The following EXT1 variants were observed in gnomAD, a reference collection of about 807,000 sequenced individuals.
The protein encoded by EXT1 is exostosin-1.
A neutral mutation model predicts 82.5 loss-of-function variants in EXT1; 20 were observed. The observed-to-expected ratio is 0.24, with a 90% CI of 0.17 to 0.35. The LOEUF (loss-of-function observed/expected upper bound fraction) is 0.35. Among genes scored for constraint, EXT1 ranks in the 10% least tolerant of loss-of-function variants. The pLI is 1.00. For synonymous variants in EXT1, 348 were observed against 350.8 expected, an observed-to-expected ratio of 0.99 and a Z score of 0.09; for missense variants, 757 against 936.5, an observed-to-expected ratio of 0.81 and a Z score of 2.50.
chr8:117,845,275 C>A (rs1324866821), intron 1 of EXT1, among the ~76,000 whole-genome samples: 1 of 152,190 alleles, frequency 6.6e-6, no homozygotes, highest in Non-Finnish European at 1.5e-5. Flanking sequence ...CTGTCTTTCA[C>A]AGGGATGAGG....
intron 1 of EXT1, among the ~76,000 whole-genome samples, chr8:118,072,897 A>T (rs934453209): frequency 6.6e-6 from 1 of 152,232 alleles, no homozygotes; most frequent in African/African-American, 2.4e-5. Context: ...CGGGAACCCA[A>T]GGCAGGTAGG....
At chr8:117,848,597 T>C (rs896311638) in intron 1 of EXT1, among the ~76,000 whole-genome samples, 61 of 152,112 alleles carry the variant, frequency 4.0e-4, no homozygotes, top group African/African-American at 1.4e-3. Flanking sequence ...CAAAGGAGTA[T>C]TGAGCAGGCC....
intron 1 of EXT1, among the ~76,000 whole-genome samples, chr8:117,956,177 CA>C (rs11308914): frequency 0.56 from 79,798 of 141,774 alleles, 21,824 homozygotes; most frequent in Admixed American, 0.66. Context: ...TTTTTAACAG[CA>C]AAAAAAAAAA....
rs1016952129 is a variant in EXT1, at chr8:117,989,224, T to C, written c.962+120861A>G. On this transcript the variant is annotated intron_variant, in intron 1 of 10. Coordinates refer to ENST00000378204, the MANE Select transcript of EXT1 (RefSeq NM_000127.3). ...AGTCCCATTGGCTCTAGCTCTAAAA[T>C]ACAAAAGGAATTCCTCCCCCCACCC... 9.9e-5 allele frequency among the ~76,000 whole-genome samples: 15 copies of C among 151,866 alleles called. 1 individual carries two copies. Among genetic ancestry groups the C allele is most frequent in the Admixed American group, 9.2e-4 (14 of 15,232 alleles).
chr8:117,866,473 T>C (rs17503858), intron 1 of EXT1, among the ~76,000 whole-genome samples: 5,321 of 152,180 alleles, frequency 0.035, 325 homozygotes, highest in African/African-American at 0.12. Context: ...ACAGGTTGTT[T>C]ATAAAATGGA....
intron 1 of EXT1, among the ~76,000 whole-genome samples, chr8:117,876,619 T>C (rs1812976845): frequency 6.6e-6 from 1 of 152,154 alleles, no homozygotes; most frequent in Admixed American, 6.5e-5. Flanking sequence ...TAAATAACAA[T>C]AATAATGATA....
At chr8:118,000,068 G>A (rs1273503262) in intron 1 of EXT1, among the ~76,000 whole-genome samples, 43 of 151,836 alleles carry the variant, frequency 2.8e-4, no homozygotes, top group Admixed American at 2.8e-3. Flanking sequence ...CGCTCCTTTT[G>A]GATTCCTTAT....
intron 1 of EXT1, among the ~76,000 whole-genome samples, chr8:118,038,643 T>C (rs1001745279): frequency 6.6e-6 from 1 of 152,264 alleles, no homozygotes; most frequent in African/African-American, 2.4e-5. Context: ...ACCCTGTGTT[T>C]ATCTTGTCTC....
chr8:117,807,569 C>A (rs562783095), intron 8 of EXT1, among the ~76,000 whole-genome samples, 192 bp from the exon 9 acceptor site: 14 of 152,072 alleles, frequency 9.2e-5, no homozygotes, highest in Non-Finnish European at 1.9e-4. Flanking sequence ...TTAATGTTTT[C>A]TGTTAAAGAA....
At chr8:117,981,092 G>T (rs1310522739) in intron 1 of EXT1, among the ~76,000 whole-genome samples, 1 of 152,170 alleles carries the variant, frequency 6.6e-6, no homozygotes, top group Non-Finnish European at 1.5e-5. Context: ...TCAAGAAAGA[G>T]AACTTATTTA....
intron 1 of EXT1, among the ~76,000 whole-genome samples, chr8:117,892,406 T>C (rs1027127941): frequency 6.6e-6 from 1 of 152,248 alleles, no homozygotes; most frequent in Admixed American, 6.5e-5. Flanking sequence ...CTACTACTTC[T>C]ACTTCTACTA....
chr8:118,096,928 G>A (rs930063426), intron 1 of EXT1, among the ~76,000 whole-genome samples: 1 of 152,062 alleles, frequency 6.6e-6, no homozygotes, highest in Admixed American at 6.6e-5. Flanking sequence ...CATTCCCTTC[G>A]GTTAAATAAA....
chr8:118,106,693 C>T (rs1439696737), intron 1 of EXT1, among the ~76,000 whole-genome samples: 3 of 152,138 alleles, frequency 2.0e-5, no homozygotes, highest in African/African-American at 4.8e-5. Flanking sequence ...CACAATAATG[C>T]CCTTTGTAGG....
Position 117,807,305 on chromosome 8 carries a change from A to C in EXT1, c.1795T>G (p.Trp599Gly), listed in dbSNP as rs138006768. The change falls in exon 9 of 11, where the codon TGG becomes GGG. Residue 599 changes from tryptophan to glycine, a missense_variant. Transcript: ENST00000378204. Reference protein sequence around the residue: ...IVGYPARSHFWDNSKERWGYT... With the variant: ...IVGYPARSHFGDNSKERWGYT... ...CCCCACCGCTCCTTAGAGTTATCCC[A>C]GAAGTGGCTGCGCGCGGGGTACCCC... 3.7e-6 allele frequency: 6 copies of C among 1,614,106 alleles called. No individual in the cohort carries two copies. Among genetic ancestry groups the C allele is most frequent in the Non-Finnish European group, 5.1e-6 (6 of 1,180,046 alleles).
intron 1 of EXT1, among the ~76,000 whole-genome samples, chr8:117,965,689 G>A (rs1814793483): frequency 6.6e-6 from 1 of 152,184 alleles, no homozygotes. Context: ...TGTCAGCTAT[G>A]TAACAGGCTC....
intron 7 of EXT1, among the ~76,000 whole-genome samples, chr8:117,816,336 G>C (rs1389734609): frequency 2.0e-5 from 3 of 152,036 alleles, no homozygotes; most frequent in African/African-American, 7.2e-5. Context: ...TTGAACCCTT[G>C]GTGCATGTAT....
intron 10 of EXT1, among the ~76,000 whole-genome samples, chr8:117,802,222 C>T (rs1823177098): frequency 6.6e-6 from 1 of 152,092 alleles, no homozygotes; most frequent in Non-Finnish European, 1.5e-5. Flanking sequence ...TAGAATTAGG[C>T]TAATCTATGA....
chr8:117,832,265 C>T (rs1277555868), intron 3 of EXT1, among the ~76,000 whole-genome samples: 1 of 152,178 alleles, frequency 6.6e-6, no homozygotes, highest in South Asian at 2.1e-4. Flanking sequence ...GGTGGCTCAG[C>T]CTGTAATCCC....
intron 3 of EXT1, among the ~76,000 whole-genome samples, chr8:117,833,796 T>C (rs537350267): frequency 7.9e-5 from 12 of 152,206 alleles, no homozygotes; most frequent in Non-Finnish European, 1.2e-4. Flanking sequence ...TGATCATGTA[T>C]TATTTTTAAA....
Sources: allele counts gnomAD v4.1 joint callset (sites outside exome capture counted in the v4.1 genomes callset), GRCh38; gene constraint gnomAD v4.1.1; transcripts MANE v1.5; gene names NCBI Gene and HGNC (gene_info 2026-07-23, HGNC 2026-07-21).